PACS1: variants seen among roughly 807,000 people sequenced by gnomAD.
PACS1 encodes the protein PACS-1.
PACS1 carries 24 observed loss-of-function variants against 115.0 expected under a neutral mutation model. The ratio of observed to expected loss-of-function variants is 0.21; its 90% CI spans 0.15 to 0.29. The LOEUF is 0.29. Among genes scored for constraint, PACS1 ranks in the 10% least tolerant of loss-of-function variants. PACS1 has a pLI of 1.00. For synonymous variants in PACS1, 453 were observed against 504.5 expected (o/e 0.90, Z 1.37); for missense variants, 838 against 1,251.2 (o/e 0.67, Z 4.98).
chr11:66,223,081 C>G lies in PACS1; in HGVS notation c.1293+1834C>G, dbSNP rs1316381406. Among the ~76,000 whole-genome samples, 14 of 140,310 alleles carry G rather than the reference C, an allele frequency of 1.0e-4. No homozygotes were observed. The East Asian group carries it at 1.9e-3, about 19-fold the overall frequency. The allele number at this position is 140,310 out of a possible 152,430, so 92.0% of individuals were successfully genotyped here. A position where few individuals can be genotyped will look rare whatever the true frequency, so the allele number is the denominator to read the frequency against. On this transcript the variant is annotated intron_variant, in intron 10 of 23. Transcript: ENST00000320580. ...AAAAAAAAAAAAAAAAAAAAAAACT[C>G]TTTCTAAATTTATTTTTTATTTTTA...
chr11:66,217,626 G>A (rs781196853), intron 7 of PACS1: 17 of 456,002 alleles, frequency 3.7e-5, no homozygotes, highest in East Asian at 2.8e-4. Flanking sequence ...AGGTAAATCC[G>A]TGAGACTGTG....
At position 66,125,266 on chromosome 11, in the gene PACS1, G is replaced by A. The variant is rs370448043; in HGVS notation, c.356+54424G>A. Reference sequence around the variant, plus strand: ...AGTGTATACTGCTTGGGTGTTGGGTGCACCAAAATCTCAAAAACCTACGGA... The same window carrying A: ...AGTGTATACTGCTTGGGTGTTGGGTACACCAAAATCTCAAAAACCTACGGA... On this transcript the variant is annotated intron_variant, in intron 1 of 23. Transcript: ENST00000320580. Among the ~76,000 whole-genome samples the A allele has an allele frequency of 3.9e-5, 6 of 152,176 alleles. No homozygotes were observed. In the East Asian group the frequency reaches 1.2e-3, roughly 29 times the overall value.
intron 1 of PACS1, among the ~76,000 whole-genome samples, chr11:66,132,165 C>T (rs183005480): frequency 1.5e-4 from 23 of 152,220 alleles, no homozygotes; most frequent in African/African-American, 5.1e-4. Context: ...ATTATGGGGG[C>T]GGTTTCTTCC....
intron 1 of PACS1, among the ~76,000 whole-genome samples, chr11:66,110,528 T>A (rs893207273): frequency 3.3e-5 from 5 of 152,134 alleles, no homozygotes; most frequent in Non-Finnish European, 4.4e-5. Flanking sequence ...CACAAAAAAC[T>A]CTAAAGTCTG....
At chr11:66,224,450 C>T (rs888109611) in intron 10 of PACS1, among the ~76,000 whole-genome samples, 2 of 152,222 alleles carry the variant, frequency 1.3e-5, no homozygotes, top group African/African-American at 4.8e-5. Context: ...CATCAGACTG[C>T]TGCGTGGGGT....
At chr11:66,129,848 C>A (rs910616834) in intron 1 of PACS1, among the ~76,000 whole-genome samples, 2 of 152,042 alleles carry the variant, frequency 1.3e-5, no homozygotes, top group South Asian at 2.1e-4. Flanking sequence ...GTCTGCCATC[C>A]AAAAGGACAT....
rs759257607 is a variant in PACS1 at position 66,216,707 on chromosome 11, G to A, written c.910G>A (p.Glu304Lys). 7 of 1,613,764 alleles carry A rather than the reference G, an allele frequency of 4.3e-6. No homozygotes were observed. Among genetic ancestry groups the A allele is most frequent in the Non-Finnish European group, 5.9e-6 (7 of 1,179,892 alleles). Residue 304 changes from glutamate (E) to lysine (K), a missense_variant, in exon 7 of 24, where the codon GAA (glutamate) becomes AAA (lysine). Coordinates refer to ENST00000320580, the MANE Select transcript of PACS1 (RefSeq NM_018026.4). ...DPLHGQDLFYEDEDLRKVKKT... is the reference protein window; with the variant it reads ...DPLHGQDLFYKDEDLRKVKKT... ...TGTACCCACTTAGGACTTGTTCTACGAAGACGAAGATCTCCGGAAAGTGAA... is the reference window on the plus strand; with the variant it reads ...TGTACCCACTTAGGACTTGTTCTACAAAGACGAAGATCTCCGGAAAGTGAA...
At chr11:66,138,941 A>T (rs574622586) in intron 1 of PACS1, among the ~76,000 whole-genome samples, 1 of 134,336 alleles carries the variant, frequency 7.4e-6, no homozygotes, top group Non-Finnish European at 1.7e-5. Context: ...TCAGCCTCCC[A>T]AAGTGCTGGG....
chr11:66,225,343 C>G (rs1308264974), intron 10 of PACS1, among the ~76,000 whole-genome samples: 1 of 152,168 alleles, frequency 6.6e-6, no homozygotes, highest in African/African-American at 2.4e-5. Context: ...TGGAGTCCTG[C>G]TGGTGTTCCA....
intron 1 of PACS1, among the ~76,000 whole-genome samples, chr11:66,099,613 T>C (rs541002337): frequency 1.8e-4 from 28 of 151,714 alleles, no homozygotes; most frequent in African/African-American, 6.5e-4. Context: ...TCGCTCGATA[T>C]CAGCTCACTG....
chr11:66,141,537 C>T (rs1858987403), intron 1 of PACS1, among the ~76,000 whole-genome samples: 1 of 151,864 alleles, frequency 6.6e-6, no homozygotes, highest in African/African-American at 2.4e-5. Context: ...GCCTGTAGTC[C>T]TGGCCACTCA....
At chr11:66,075,812 A>G (rs1363790763) in intron 1 of PACS1, among the ~76,000 whole-genome samples, 1 of 141,926 alleles carries the variant, frequency 7.0e-6, no homozygotes, top group Non-Finnish European at 1.5e-5. Context: ...GATCTGGCTC[A>G]CTGTAAGCTC....
At chr11:66,074,848 T>C (rs890143315) in intron 1 of PACS1, among the ~76,000 whole-genome samples, 1 of 152,116 alleles carries the variant, frequency 6.6e-6, no homozygotes, top group Non-Finnish European at 1.5e-5. Flanking sequence ...ACAGAAGCAC[T>C]ATACGAGCCA....
chr11:66,073,685 G>C (rs1186838934), intron 1 of PACS1, among the ~76,000 whole-genome samples: 1 of 152,064 alleles, frequency 6.6e-6, no homozygotes, highest in Admixed American at 6.6e-5. Context: ...CTTTATATAG[G>C]TGAATAGCTT....
At position 66,243,519 on chromosome 11, in the gene PACS1, C is replaced by T; in HGVS notation, c.*239C>T. The T allele has an allele frequency of 3.6e-6, 2 of 549,706 alleles. No homozygotes were observed. Among genetic ancestry groups the T allele is most frequent in the South Asian group, 2.2e-5 (1 of 45,840 alleles). 34.1% of individuals were successfully genotyped at this position (549,706 alleles called of 1,614,324 possible). A position where few individuals can be genotyped will look rare whatever the true frequency, so the allele number is the denominator to read the frequency against. On this transcript the variant is annotated 3_prime_UTR_variant, in exon 24 of 24. Transcript: ENST00000320580. The stretch of plus-strand genomic sequence containing the variant: ...TTCCCCTTCTCCCTCCTGCTCCAGG[C>T]CCAAGGCGTGTTGGTTTTGCCTTCT...
chr11:66,240,734 G>A (rs1855794827), intron 21 of PACS1, among the ~76,000 whole-genome samples: 1 of 144,430 alleles, frequency 6.9e-6, no homozygotes, highest in South Asian at 2.1e-4. Flanking sequence ...GGTTTGGGGA[G>A]CCTTGGCACC....
chr11:66,210,983 C>T, intron 3 of PACS1, 151 bp from the exon 4 acceptor site: 3 of 858,764 alleles, frequency 3.5e-6, no homozygotes, highest in Non-Finnish European at 3.7e-6. Flanking sequence ...TCAGCTCCAC[C>T]AGCAGCAACT....
intron 1 of PACS1, among the ~76,000 whole-genome samples, chr11:66,107,478 A>G (rs181313195): frequency 1.2e-3 from 183 of 152,296 alleles, no homozygotes; most frequent in Middle Eastern, 3.4e-3. Context: ...AGGTAGAATG[A>G]AAGCTCCATG....
At chr11:66,141,689 C>T (rs1858992043) in intron 1 of PACS1, among the ~76,000 whole-genome samples, 3 of 151,692 alleles carry the variant, frequency 2.0e-5, no homozygotes, top group African/African-American at 7.3e-5. Flanking sequence ...TAACCTCAGA[C>T]TTCTGGGCTC....
Sources: allele counts gnomAD v4.1 joint callset (sites outside exome capture counted in the v4.1 genomes callset), GRCh38; gene constraint gnomAD v4.1.1; transcripts MANE v1.5; gene names NCBI Gene and HGNC (gene_info 2026-07-23, HGNC 2026-07-21).